The following SEMA3C variants were observed in gnomAD, a reference collection of about 807,000 sequenced individuals.
The protein encoded by SEMA3C is semaphorin 3C.
Under a neutral mutation model 89.4 loss-of-function variants are expected in SEMA3C, and 47 were observed. The ratio of observed to expected loss-of-function variants is 0.53; its 90% CI spans 0.42 to 0.67. The LOEUF is 0.67. Ranked by LOEUF, SEMA3C falls within the 30% of genes least tolerant of loss-of-function variation. The pLI, the probability that SEMA3C is intolerant of heterozygous loss-of-function variation, is 0.00. For missense variants in SEMA3C, 839 were observed against 929.1 expected (o/e 0.90, Z 1.26); for synonymous variants, 310 against 320.2 (o/e 0.97, Z 0.34).
intron 2 of SEMA3C, among the ~76,000 whole-genome samples, chr7:80,891,578 C>T (rs1024302332): frequency 6.6e-6 from 1 of 151,336 alleles, no homozygotes. Context: ...TCTTTGCACA[C>T]CTATCTTTGT....
chr7:80,867,661 A>G (rs1790959471), intron 2 of SEMA3C, among the ~76,000 whole-genome samples: 1 of 152,174 alleles, frequency 6.6e-6, no homozygotes, highest in Non-Finnish European at 1.5e-5. Context: ...ACACAGTGGT[A>G]TCATATAATG....
intron 2 of SEMA3C, among the ~76,000 whole-genome samples, chr7:80,898,353 G>A (rs930535034): frequency 1.3e-5 from 2 of 151,838 alleles, no homozygotes; most frequent in African/African-American, 4.9e-5. Flanking sequence ...GTGACAGAGC[G>A]AGATTTTGTC....
In SEMA3C at chr7:80,744,868, A is replaced by G. The variant is rs1787762676; in HGVS notation, c.*26T>C. ...TTGAAGACAGAGCATTTGTTAATGG[A>G]AGCATAAGACCCACATAAGAAAATA... On this transcript the variant is annotated 3_prime_UTR_variant, in exon 18 of 18. Coordinates refer to ENST00000265361, the MANE Select transcript of SEMA3C (RefSeq NM_006379.5). 2 of 1,612,058 alleles carry G rather than the reference A, an allele frequency of 1.2e-6. No individual in the cohort carries two copies. The highest frequency in any genetic ancestry group is 1.3e-5 in the African/African-American group (1 of 74,896).
chr7:80,828,012 G>A (rs1165384893), intron 3 of SEMA3C, among the ~76,000 whole-genome samples: 1 of 152,166 alleles, frequency 6.6e-6, no homozygotes, highest in African/African-American at 2.4e-5. Context: ...TTGCAGCCTT[G>A]GGTCCAGTTT....
chr7:80,865,276 T>A (rs1265147922), intron 2 of SEMA3C, among the ~76,000 whole-genome samples: 2 of 152,136 alleles, frequency 1.3e-5, no homozygotes, highest in Non-Finnish European at 2.9e-5. Context: ...AACTTTTTTT[T>A]AAAGCTTCAC....
chr7:80,832,439 A>T (rs1460215555), intron 2 of SEMA3C, among the ~76,000 whole-genome samples: 1 of 152,170 alleles, frequency 6.6e-6, no homozygotes, highest in Admixed American at 6.5e-5. Flanking sequence ...CTAATTAGAT[A>T]CTATTCTTTT....
chr7:80,845,995 G>T (rs1790380199), intron 2 of SEMA3C, among the ~76,000 whole-genome samples: 1 of 152,124 alleles, frequency 6.6e-6, no homozygotes, highest in Admixed American at 6.6e-5. Context: ...AAATGCAATG[G>T]ACTTTCTTTT....
chr7:80,856,688 C>T (rs1185031284), intron 2 of SEMA3C, among the ~76,000 whole-genome samples: 2 of 151,182 alleles, frequency 1.3e-5, no homozygotes, highest in South Asian at 4.2e-4. Context: ...ATGTTATAAA[C>T]ATTATTTCAT....
At chr7:80,843,566 T>C (rs866973661) in intron 2 of SEMA3C, among the ~76,000 whole-genome samples, 3 of 152,238 alleles carry the variant, frequency 2.0e-5, no homozygotes, top group East Asian at 1.9e-4. Context: ...ATTGTGCTAA[T>C]TGAATGAGAA....
Position 80,899,299 on chromosome 7 carries a change from C to T in SEMA3C, c.103+17380G>A, listed in dbSNP as rs79697930. ...CAGGTAATCCGCCCATCTTGGCCTC[C>T]GAAAGTGCTGGGATTACAGGTGTGA... On this transcript the variant is annotated intron_variant, in intron 2 of 17. Transcript: ENST00000265361. Among the ~76,000 whole-genome samples, 24 of 152,236 alleles carry T rather than the reference C, an allele frequency of 1.6e-4. No homozygotes were observed. In the East Asian group the frequency reaches 4.1e-3, roughly 26 times the overall value.
intron 17 of SEMA3C, among the ~76,000 whole-genome samples, chr7:80,746,721 G>GTGTGTGTGTGTGTGTC (rs1787809594): frequency 6.7e-6 from 1 of 150,072 alleles, no homozygotes; most frequent in Admixed American, 6.6e-5. Context: ...GAAGTGGGGT[G>GTGTGTGTGTGTGTGTC]TGTGTGTGTG....
intron 2 of SEMA3C, among the ~76,000 whole-genome samples, chr7:80,855,041 T>C (rs553569186): frequency 6.6e-6 from 1 of 152,178 alleles, no homozygotes; most frequent in Non-Finnish European, 1.5e-5. Context: ...TAGAATAATA[T>C]ACAATATAAT....
intron 4 of SEMA3C, 33 bp downstream of exon 4, chr7:80,827,392 G>GGT: frequency 6.5e-6 from 8 of 1,232,226 alleles, no homozygotes; most frequent in South Asian, 1.8e-5. Context: ...TTAAGTTAGT[G>GGT]TTTTTTTTTT....
At chr7:80,765,889 GT>G (rs990645544) in intron 12 of SEMA3C, among the ~76,000 whole-genome samples, 4 of 152,044 alleles carry the variant, frequency 2.6e-5, no homozygotes, top group African/African-American at 9.7e-5. Flanking sequence ...CAATACATAA[GT>G]TTAAGTTTGA....
chr7:80,830,021 T>C (rs1583918758), intron 2 of SEMA3C, among the ~76,000 whole-genome samples: 1 of 152,146 alleles, frequency 6.6e-6, no homozygotes, highest in African/African-American at 2.4e-5. Context: ...CAAATTCTTA[T>C]AGGAAGTCAT....
intron 13 of SEMA3C, among the ~76,000 whole-genome samples, chr7:80,762,076 C>G (rs1011485131): frequency 8.4e-5 from 6 of 71,070 alleles, no homozygotes; most frequent in East Asian, 7.0e-4. Flanking sequence ...GCAACAAGAG[C>G]AAAACTCCGT....
At chr7:80,862,551 A>G (rs1790797630) in intron 2 of SEMA3C, among the ~76,000 whole-genome samples, 1 of 152,186 alleles carries the variant, frequency 6.6e-6, no homozygotes, top group Admixed American at 6.5e-5. Flanking sequence ...AATCCCCATC[A>G]AAATACCACC....
chr7:80,919,038 A>G lies in SEMA3C; in HGVS notation c.-249T>C, dbSNP rs1292785301. 1.0e-6 allele frequency: 1 copy of G among 985,170 alleles called. No individual in the cohort carries two copies. Among genetic ancestry groups the G allele is most frequent in the Non-Finnish European group, 1.2e-6 (1 of 829,902 alleles). 61.0% of individuals were successfully genotyped at this position (985,170 alleles called of 1,614,324 possible). ...GAGCTCTTCTCCGCGTCGCTCAATC[A>G]AGCACCTCGGAGTGAATGGAAAGTG... is the stretch of plus-strand genomic sequence containing the variant. On this transcript the variant is annotated 5_prime_UTR_variant, in exon 1 of 18. Coordinates refer to ENST00000265361, the MANE Select transcript of SEMA3C (RefSeq NM_006379.5).
At chr7:80,814,559 G>A (rs1583903731) in intron 5 of SEMA3C, among the ~76,000 whole-genome samples, 1 of 151,842 alleles carries the variant, frequency 6.6e-6, no homozygotes, top group African/African-American at 2.4e-5. Context: ...ATAAAACAAT[G>A]ACTCACACGT....
Sources: gnomAD v4.1 joint callset for allele counts (sites outside exome capture counted in the v4.1 genomes callset) on GRCh38, gnomAD v4.1.1 for gene constraint, MANE v1.5 for transcripts, NCBI Gene and HGNC (gene_info 2026-07-23, HGNC 2026-07-21) for gene names.